Variants in R3HDM2 observed in about 807,000 individuals in gnomAD.
R3HDM2 encodes R3H domain-containing protein 2.
Under a neutral mutation model 124.5 loss-of-function variants are expected in R3HDM2, and 38 were observed. The ratio of observed to expected loss-of-function variants is 0.31; its 90% CI spans 0.24 to 0.40. R3HDM2 has a LOEUF of 0.40. R3HDM2 is among the 10% of genes least tolerant of loss of function. The pLI, the probability that R3HDM2 is intolerant of heterozygous loss-of-function variation, is 1.00. For missense variants in R3HDM2, 869 were observed against 1,236.9 expected (o/e 0.70, Z 4.46); for synonymous variants, 391 against 448.0 (o/e 0.87, Z 1.61).
In R3HDM2 at chr12:57,281,589, G is replaced by A. The variant is rs561553646; in HGVS notation, c.1172-1059C>T. On this transcript the variant is annotated intron_variant, in intron 13 of 23. Transcript: ENST00000402412. ...CAACCTCCACCTCCCAGGTTCAAGC[G>A]ATTCTTCTGCCTCAGCCTCCCAAGT... Among the ~76,000 whole-genome samples the A allele has an allele frequency of 2.9e-3, 443 of 151,998 alleles. 4 individuals are homozygous for A. Among genetic ancestry groups the A allele is most frequent in the Admixed American group, 6.0e-3 (92 of 15,270 alleles).
chr12:57,377,659 A>G (rs1365643570), intron 2 of R3HDM2, among the ~76,000 whole-genome samples: 1 of 152,148 alleles, frequency 6.6e-6, no homozygotes, highest in Non-Finnish European at 1.5e-5. Context: ...CTTGTAGTGC[A>G]TTGGGCAGCA....
At chr12:57,412,174 T>A (rs1036360350) in intron 1 of R3HDM2, among the ~76,000 whole-genome samples, 1 of 152,198 alleles carries the variant, frequency 6.6e-6, no homozygotes, top group Non-Finnish European at 1.5e-5. Flanking sequence ...CCTAACTTCA[T>A]ATGAGTTCTA....
intron 2 of R3HDM2, among the ~76,000 whole-genome samples, chr12:57,388,485 G>A (rs1339086855): frequency 1.3e-5 from 2 of 152,194 alleles, no homozygotes; most frequent in African/African-American, 2.4e-5. Flanking sequence ...AGGCTTGCTT[G>A]CTGGGGATTC....
At chr12:57,356,996 G>C (rs1329243473) in intron 2 of R3HDM2, among the ~76,000 whole-genome samples, 1 of 151,914 alleles carries the variant, frequency 6.6e-6, no homozygotes, top group Non-Finnish European at 1.5e-5. Flanking sequence ...CCAGCTACTC[G>C]GGAGGCTGAG....
intron 2 of R3HDM2, among the ~76,000 whole-genome samples, chr12:57,319,561 A>G (rs1427082322): frequency 6.6e-6 from 1 of 152,158 alleles, no homozygotes; most frequent in Non-Finnish European, 1.5e-5. Context: ...AGTCATAAAG[A>G]ACAAGCTTAA....
intron 2 of R3HDM2, among the ~76,000 whole-genome samples, chr12:57,335,095 T>C (rs577649527): frequency 2.6e-5 from 4 of 151,766 alleles, no homozygotes; most frequent in South Asian, 2.1e-4. Context: ...TGAGCTATGA[T>C]TGGGCCATTG....
chr12:57,291,137 C>T (rs991315889), intron 11 of R3HDM2, among the ~76,000 whole-genome samples: 3 of 152,130 alleles, frequency 2.0e-5, no homozygotes, highest in African/African-American at 7.2e-5. Flanking sequence ...CCTTCTTGGA[C>T]TTTGGGCCAG....
chr12:57,255,688 T>C (rs2038766973), intron 23 of R3HDM2, among the ~76,000 whole-genome samples: 1 of 152,206 alleles, frequency 6.6e-6, no homozygotes, highest in Non-Finnish European at 1.5e-5. Flanking sequence ...GGTCTAGGAC[T>C]ACCAAAGGTA....
At position 57,280,379 on chromosome 12, in the gene R3HDM2, C is replaced by T. The variant is rs751520243; in HGVS notation, c.1323G>A (p.Leu441=). ...TCACCTGTGAGATCATGTGATTATT[C>T]AAGGGTGGCTGTTGCTGAGGCGTGG... ...LPPTPQQQPP[L]NNHMISQADD... Residue 441 remains leucine (L), a synonymous_variant, in exon 14 of 24, where the codon TTG becomes TTA. Coordinates refer to ENST00000402412, the MANE Select transcript of R3HDM2 (RefSeq NM_001394031.1). 1 of 1,613,478 alleles carries T rather than the reference C, an allele frequency of 6.2e-7. No individual in the cohort carries two copies. Among genetic ancestry groups the T allele is most frequent in the Non-Finnish European group, 8.5e-7 (1 of 1,179,692 alleles).
chr12:57,426,347 C>T (rs2070739018), intron 1 of R3HDM2, among the ~76,000 whole-genome samples: 1 of 152,228 alleles, frequency 6.6e-6, no homozygotes, highest in Non-Finnish European at 1.5e-5. Context: ...TAAAAATGCC[C>T]CCCAAAATCA....
intron 1 of R3HDM2, among the ~76,000 whole-genome samples, chr12:57,424,651 G>A (rs976008643): frequency 1.3e-5 from 2 of 152,034 alleles, no homozygotes; most frequent in Non-Finnish European, 2.9e-5. Context: ...ATTGTCATAC[G>A]CAACAAAGAC....
intron 3 of R3HDM2, 46 bp from the exon 4 acceptor site, chr12:57,303,263 CA>C: frequency 7.0e-7 from 1 of 1,438,840 alleles, no homozygotes. Context: ...AGAAAATCGA[CA>C]TGTAAGTTAA....
intron 19 of R3HDM2, among the ~76,000 whole-genome samples, chr12:57,263,976 G>C (rs1021933029): frequency 6.6e-6 from 1 of 152,180 alleles, no homozygotes; most frequent in African/African-American, 2.4e-5. Flanking sequence ...AGAGTGGAAA[G>C]GAGATGGTTG....
chr12:57,351,716 T>A (rs2137258577), intron 2 of R3HDM2, among the ~76,000 whole-genome samples: 1 of 152,294 alleles, frequency 6.6e-6, no homozygotes, highest in South Asian at 2.1e-4. Flanking sequence ...TGCAAGATAT[T>A]ACAAAAATTA....
chr12:57,412,225 T>C (rs1206963392), intron 1 of R3HDM2, among the ~76,000 whole-genome samples: 1 of 152,150 alleles, frequency 6.6e-6, no homozygotes, highest in African/African-American at 2.4e-5. Context: ...TATATGCAGA[T>C]GAATGCAAGA....
At chr12:57,269,649 G>A (rs1370271514) in intron 15 of R3HDM2, 103 bp downstream of exon 15, 6 of 1,518,386 alleles carry the variant, frequency 4.0e-6, no homozygotes, top group Non-Finnish European at 5.4e-6. Flanking sequence ...TGCAAGGTAG[G>A]GAGAGGTATT....
chr12:57,300,276 A>G, intron 4 of R3HDM2, 95 bp from the exon 5 acceptor site: 2 of 1,104,314 alleles, frequency 1.8e-6, no homozygotes, highest in Non-Finnish European at 2.6e-6. Context: ...CTGAATGAAA[A>G]GTGTCCTCTT....
intron 2 of R3HDM2, among the ~76,000 whole-genome samples, chr12:57,379,064 G>C (rs1295322988): frequency 1.3e-5 from 2 of 152,146 alleles, no homozygotes; most frequent in African/African-American, 4.8e-5. Flanking sequence ...CTGGGGGAAA[G>C]GGGGAGAGGA....
intron 2 of R3HDM2, among the ~76,000 whole-genome samples, chr12:57,352,349 T>C (rs1175568563): frequency 6.6e-6 from 1 of 151,830 alleles, no homozygotes; most frequent in Non-Finnish European, 1.5e-5. Flanking sequence ...GAGTCATAGA[T>C]CATATCTCTG....
Sources: gnomAD v4.1 joint callset for allele counts (sites outside exome capture counted in the v4.1 genomes callset) on GRCh38, gnomAD v4.1.1 for gene constraint, MANE v1.5 for transcripts, NCBI Gene and HGNC (gene_info 2026-07-23, HGNC 2026-07-21) for gene names.